BBS7: variants seen among roughly 807,000 people sequenced by gnomAD.
BBS7 encodes BBSome complex member BBS7.
A neutral mutation model predicts 90.3 loss-of-function variants in BBS7; 50 were observed. That is an observed-to-expected ratio of 0.55 (90% confidence interval 0.44 to 0.70). The LOEUF (loss-of-function observed/expected upper bound fraction) is 0.70, where lower values mean the gene tolerates loss of function less well. BBS7 is among the 30% of genes least tolerant of loss of function. BBS7 has a pLI of 0.00. For missense variants in BBS7, 729 were observed against 838.9 expected (o/e 0.87, Z 1.62); for synonymous variants, 235 against 287.4 (o/e 0.82, Z 1.85).
chr4:121,852,845 A>T, intron 8 of BBS7, 111 bp downstream of exon 8: 2 of 1,176,092 alleles, frequency 1.7e-6, no homozygotes, highest in Non-Finnish European at 2.4e-6. Flanking sequence ...GCAATATTTT[A>T]AACCAAACAC....
At chr4:121,831,310 T>A (rs1192267158) in intron 15 of BBS7, among the ~76,000 whole-genome samples, 2 of 151,538 alleles carry the variant, frequency 1.3e-5, no homozygotes, top group Non-Finnish European at 2.9e-5. Context: ...GAGAAGAGAA[T>A]CAAGGGAGAA....
Position 121,833,315 on chromosome 4 carries a change from A to G in BBS7, c.1592T>C (p.Val531Ala), listed in dbSNP as rs778439860. The G allele has an allele frequency of 1.2e-6, 2 of 1,614,006 alleles. No individual in the cohort carries two copies. The highest frequency in any genetic ancestry group is 3.3e-5 in the Admixed American group (2 of 60,022). The change falls in exon 15 of 19, where the codon GTT becomes GCT. Residue 531 changes from valine to alanine, a missense_variant. Val to Ala is a moderately conservative substitution (Grantham distance 64). Transcript: ENST00000264499. Reference protein sequence around the residue: ...HSWVVFCLPEVPEKPPAGECV... With the variant: ...HSWVVFCLPEAPEKPPAGECV... ...TTCTCCTGCTGGAGGTTTTTCTGGAACTTCAGGCAGACAAAAAACCACCCA... is the reference window on the plus strand; with the variant it reads ...TTCTCCTGCTGGAGGTTTTTCTGGAGCTTCAGGCAGACAAAAAACCACCCA...
intron 18 of BBS7, among the ~76,000 whole-genome samples, chr4:121,827,116 T>C (rs768071031): frequency 2.6e-5 from 4 of 152,266 alleles, no homozygotes; most frequent in Non-Finnish European, 5.9e-5. Context: ...AACTTTGGTT[T>C]ACAAAGCTGT....
At chr4:121,829,519 A>G (rs1725074710) in intron 15 of BBS7, among the ~76,000 whole-genome samples, 1 of 152,176 alleles carries the variant, frequency 6.6e-6, no homozygotes, top group Non-Finnish European at 1.5e-5. Flanking sequence ...TACAGGCATG[A>G]GCTACTGAGA....
rs1724824710 is a variant in BBS7 at position 121,824,639 on chromosome 4, C to CA, written c.*1220dup. ...TTTTTCCCCAAGCTGTGGCAACCAA[C>CA]AAAAAACACAATGACGTTCTAGTGA... On this transcript the variant is annotated 3_prime_UTR_variant, in exon 19 of 19. Coordinates refer to ENST00000264499, the MANE Select transcript of BBS7 (RefSeq NM_176824.3). This position sits in a 1 kb window ranked among gnomAD's most constrained non-coding sequence, Gnocchi z 4.1. 2 of 151,906 alleles carry CA rather than the reference C, an allele frequency of 1.3e-5. No individual in the cohort carries two copies. The highest frequency in any genetic ancestry group is 2.1e-4 in the South Asian group (1 of 4,832). 9.4% of individuals were successfully genotyped at this position (151,906 alleles called of 1,614,324 possible).
At chr4:121,829,346 T>C (rs1316234529) in intron 15 of BBS7, among the ~76,000 whole-genome samples, 5 of 152,032 alleles carry the variant, frequency 3.3e-5, no homozygotes, top group Non-Finnish European at 7.4e-5. Flanking sequence ...GCGATTCTCC[T>C]GCCTCAGCCT....
intron 2 of BBS7, among the ~76,000 whole-genome samples, chr4:121,863,897 A>G (rs1727118856): frequency 6.6e-6 from 1 of 152,234 alleles, no homozygotes; most frequent in South Asian, 2.1e-4. Context: ...TTCTTCCTCA[A>G]AAGTAGATAT....
chr4:121,832,103 G>A (rs1725219172), intron 15 of BBS7, among the ~76,000 whole-genome samples: 1 of 151,668 alleles, frequency 6.6e-6, no homozygotes, highest in South Asian at 2.1e-4. Context: ...AGCACTTTAG[G>A]AGGCCAACGC....
At position 121,828,450 on chromosome 4, in the gene BBS7, C is replaced by T; in HGVS notation, c.1842G>A (p.Glu614=). ...CTTTCTTAGCCAAAAGCAACTGGTACTCCAGCTTTGGGTGGATTAGCTTTA... is the reference window on the plus strand; with the variant it reads ...CTTTCTTAGCCAAAAGCAACTGGTATTCCAGCTTTGGGTGGATTAGCTTTA... ...HTLKLIHPKL[E]YQLLLAKKVQ... is the part of the protein sequence containing the mutation. Residue 614 remains glutamate, a synonymous_variant, in exon 17 of 19, where the codon GAG becomes GAA. Coordinates refer to ENST00000264499, the MANE Select transcript of BBS7 (RefSeq NM_176824.3). 1 of 1,613,960 alleles carries T rather than the reference C, an allele frequency of 6.2e-7. No homozygotes were observed.
chr4:121,849,197 A>C (rs1004501701), intron 8 of BBS7, among the ~76,000 whole-genome samples: 2 of 152,110 alleles, frequency 1.3e-5, no homozygotes, highest in African/African-American at 4.8e-5. Flanking sequence ...TAATGAGCAA[A>C]AATAGTTTAT....
At chr4:121,855,377 G>T in intron 6 of BBS7, 112 bp downstream of exon 6, 1 of 1,040,468 alleles carries the variant, frequency 9.6e-7, no homozygotes, top group Non-Finnish European at 1.5e-6. Flanking sequence ...TTACTGGCAA[G>T]TTACCAGAAA....
chr4:121,855,625 A>G, intron 5 of BBS7, 64 bp from the exon 6 acceptor site: 1 of 1,323,322 alleles, frequency 7.6e-7, no homozygotes, highest in Non-Finnish European at 1.1e-6. Context: ...GGCATTCATG[A>G]ATAACATCAA....
intron 15 of BBS7, among the ~76,000 whole-genome samples, chr4:121,830,138 A>G (rs1725110218): frequency 6.6e-6 from 1 of 152,234 alleles, no homozygotes; most frequent in African/African-American, 2.4e-5. Flanking sequence ...GTGGTGGCTC[A>G]CGCCTGTAAT....
chr4:121,837,082 C>T (rs1725498453), intron 13 of BBS7, among the ~76,000 whole-genome samples: 1 of 152,058 alleles, frequency 6.6e-6, no homozygotes, highest in Non-Finnish European at 1.5e-5. Context: ...GCCTCGGCCT[C>T]CCAAGTAGCT....
In BBS7 at chr4:121,828,256, T is replaced by A. The variant is rs1233960628; in HGVS notation, c.1904A>T (p.His635Leu). Residue 635 changes from histidine to leucine, a missense_variant, in exon 18 of 19, where the codon CAT becomes CTT. Transcript: ENST00000264499. The stretch of plus-strand genomic sequence containing the variant: ...TATCAGAAAGTTCGTATTTCCCTCA[T>A]GAATCTGTAATTCCTATTTAAAATG... ...LIDALKELQI[H>L]EGNTNFLIPE... is the part of the protein sequence containing the mutation. The A allele has an allele frequency of 1.2e-6, 2 of 1,613,282 alleles. No homozygotes were observed. The highest frequency in any genetic ancestry group is 1.7e-6 in the Non-Finnish European group (2 of 1,179,464).
chr4:121,870,305 C>T lies in BBS7; in HGVS notation c.9G>A (p.Leu3=), dbSNP rs1727516683. 6.2e-7 allele frequency: 1 copy of T among 1,614,056 alleles called. No individual in the cohort carries two copies. The highest frequency in any genetic ancestry group is 1.3e-5 in the African/African-American group (1 of 74,942). MD[L]ILNRMDYLQV... ...GCAGATAATCCATTCGGTTTAAAATCAGATCCATGATGACTACGCGGAGGG... is the reference window on the plus strand; with the variant it reads ...GCAGATAATCCATTCGGTTTAAAATTAGATCCATGATGACTACGCGGAGGG... The change falls in exon 1 of 19, where the codon CTG becomes CTA. Residue 3 remains leucine, a synonymous_variant. Transcript: ENST00000264499.
intron 10 of BBS7, among the ~76,000 whole-genome samples, chr4:121,846,991 AG>A (rs768744151): frequency 6.6e-6 from 1 of 152,222 alleles, no homozygotes; most frequent in African/African-American, 2.4e-5. Context: ...GTTCCGGTTA[AG>A]AAAATTTACA....
chr4:121,845,861 T>C (rs896791815), intron 10 of BBS7, among the ~76,000 whole-genome samples, 165 bp from the exon 11 acceptor site: 3 of 152,208 alleles, frequency 2.0e-5, no homozygotes, highest in Admixed American at 6.5e-5. Context: ...TATGACTGAC[T>C]AAATGATTCC....
In BBS7 at chr4:121,828,147, A is replaced by G. The variant is rs1025225599; in HGVS notation, c.2013T>C (p.Tyr671=). ...KKQPAHLERL[Y]GMITDLFIDK... is the part of the protein sequence containing the mutation. ...GGTATTCTAGAATGGTCCACTAACC[A>G]TAGAGTCTTTCAAGATGTGCAGGTT... is the stretch of plus-strand genomic sequence containing the variant. Residue 671 remains tyrosine (Y), a splice_region_variant and synonymous_variant, in exon 18 of 19, where the codon TAT becomes TAC. Transcript: ENST00000264499. The G allele has an allele frequency of 6.2e-7, 1 of 1,613,852 alleles. No individual in the cohort carries two copies. Among genetic ancestry groups the G allele is most frequent in the Non-Finnish European group, 8.5e-7 (1 of 1,179,854 alleles).
Sources: allele counts gnomAD v4.1 joint callset (sites outside exome capture counted in the v4.1 genomes callset), GRCh38; gene constraint gnomAD v4.1.1; non-coding constraint Gnocchi (gnomAD v3.1); transcripts MANE v1.5; gene names NCBI Gene and HGNC (gene_info 2026-07-23, HGNC 2026-07-21).